Variants in ERBB3 observed in about 807,000 individuals in gnomAD.
ERBB3 encodes the protein erb-b2 receptor tyrosine kinase 3, also known as receptor tyrosine-protein kinase erbB-3.
Under a neutral mutation model 156.7 loss-of-function variants are expected in ERBB3, and 96 were observed. That is an observed-to-expected ratio of 0.61 (90% CI 0.52 to 0.73). ERBB3 has a LOEUF of 0.73. Ranked by LOEUF, ERBB3 falls within the 30% of genes least tolerant of loss-of-function variation. The pLI is 0.00. For synonymous variants in ERBB3, 567 were observed against 632.0 expected, an observed-to-expected ratio of 0.90 and a Z score of 1.54; for missense variants, 1,406 against 1,709.4, an observed-to-expected ratio of 0.82 and a Z score of 3.13.
Position 56,099,978 on chromosome 12 carries a change from A to G in ERBB3, c.3078A>G (p.Thr1026=). 6.2e-7 allele frequency: 1 copy of G among 1,614,222 alleles called. No individual in the cohort carries two copies. The highest frequency in any genetic ancestry group is 2.2e-5 in the East Asian group (1 of 44,890). The change falls in exon 25 of 28, where the codon ACA becomes ACG. Residue 1026 remains threonine (T), a synonymous_variant. Transcript: ENST00000267101. ...AGGAGGACAACCTGGCAACCACCAC[A>G]CTGGGCTCCGCCCTCAGCCTACCAG... ...EAEEDNLATT[T]LGSALSLPVG...
chr12:56,102,339 G>A lies in ERBB3; in HGVS notation c.*284G>A. On this transcript the variant is annotated 3_prime_UTR_variant, in exon 28 of 28. Transcript: ENST00000267101. ...CAGCTTCTTCACAGGCACTCCTGGAGATATGAAGGATTACTCTCCATATCC... is the reference window on the plus strand; with the variant it reads ...CAGCTTCTTCACAGGCACTCCTGGAAATATGAAGGATTACTCTCCATATCC... 2.2e-6 allele frequency: 1 copy of A among 463,528 alleles called. No individual in the cohort carries two copies. The highest frequency in any genetic ancestry group is 2.4e-5 in the South Asian group (1 of 42,320). The allele number at this position is 463,528 out of a possible 1,614,324, so 28.7% of individuals were successfully genotyped here. A position where few individuals can be genotyped will look rare whatever the true frequency, so the allele number is the denominator to read the frequency against.
rs2136794092 is a variant in ERBB3 at position 56,087,857 on chromosome 12, T to G, written c.676T>G (p.Cys226Gly). The G allele has an allele frequency of 1.2e-6, 2 of 1,614,176 alleles. No individual in the cohort carries two copies. The highest frequency in any genetic ancestry group is 1.7e-6 in the Non-Finnish European group (2 of 1,180,016). ...CTGCTTTGGGCCCAACCCCAACCAGTGCTGCCATGATGAGTGTGCCGGGGG... is the reference window on the plus strand; with the variant it reads ...CTGCTTTGGGCCCAACCCCAACCAGGGCTGCCATGATGAGTGTGCCGGGGG... Reference protein sequence around the residue: ...GHCFGPNPNQCCHDECAGGCS... With the variant: ...GHCFGPNPNQGCHDECAGGCS... The change falls in exon 6 of 28, where the codon TGC becomes GGC. Residue 226 changes from cysteine (C) to glycine (G), a missense_variant. This residue lies in a region of ERBB3 where 979 missense variants were observed against 1,219.6 expected (regional missense o/e 0.80). Transcript: ENST00000267101.
rs1379980189 is a variant in ERBB3, at chr12:56,088,761, A to G, written c.1002A>G (p.Thr334=). 6.2e-7 allele frequency: 1 copy of G among 1,614,162 alleles called. No homozygotes were observed. Among genetic ancestry groups the G allele is most frequent in the Non-Finnish European group, 8.5e-7 (1 of 1,180,018 alleles). Reference sequence around the variant, plus strand: ...TTACATTTGCAGCCTGTGAGGGAACAGGCTCTGGGAGCCGCTTCCAGACTG... The same window carrying G: ...TTACATTTGCAGCCTGTGAGGGAACGGGCTCTGGGAGCCGCTTCCAGACTG... ...GGLCPKACEG[T]GSGSRFQTVD... is the part of the protein sequence containing the mutation. Residue 334 remains threonine, a synonymous_variant, in exon 9 of 28, where the codon ACA becomes ACG. Transcript: ENST00000267101.
intron 5 of ERBB3, 24 bp from the exon 6 acceptor site, chr12:56,087,769 CAG>C: frequency 6.2e-7 from 1 of 1,603,722 alleles, no homozygotes; most frequent in Non-Finnish European, 8.5e-7. Flanking sequence ...GGAGCCCTAA[CAG>C]CCATGCTTTC....
chr12:56,092,904 G>A lies in ERBB3; in HGVS notation c.1184-82G>A, dbSNP rs535762069. ...CGGTATAACTACTTGAGAAAATCAC[G>A]TCCCAAGTTATAGGGGAGGAGCCAG... On this transcript the variant is annotated intron_variant, in intron 10 of 27. Transcript: ENST00000267101. 3.0e-5 allele frequency: 46 copies of A among 1,539,234 alleles called. No homozygotes were observed. In the East Asian group the frequency reaches 4.0e-4, roughly 14 times the overall value.
chr12:56,097,129 A>G lies in ERBB3; in HGVS notation c.2359A>G (p.Thr787Ala). The part of the protein sequence containing the change: ...LCPGSSLQLV[T>A]QYLPLGSLLD... ...CCCAGGGTCATCTCTGCAGCTTGTCACTCAATATTTGCCTCTGGGTTCTCT... is the reference window on the plus strand; with the variant it reads ...CCCAGGGTCATCTCTGCAGCTTGTCGCTCAATATTTGCCTCTGGGTTCTCT... Residue 787 changes from threonine to alanine, a missense_variant, in exon 20 of 28, where the codon ACT (threonine) becomes GCT (alanine). Physicochemically the swap from Thr to Ala is moderately conservative, Grantham distance 58. This residue lies in a region of ERBB3 where 979 missense variants were observed against 1,219.6 expected (regional missense o/e 0.80). Coordinates refer to ENST00000267101, the MANE Select transcript of ERBB3 (RefSeq NM_001982.4). 1 of 1,614,040 alleles carries G rather than the reference A, an allele frequency of 6.2e-7. No individual in the cohort carries two copies. The highest frequency in any genetic ancestry group is 8.5e-7 in the Non-Finnish European group (1 of 1,180,002).
chr12:56,080,308 C>T lies in ERBB3; in HGVS notation c.8C>T (p.Ala3Val). 8 of 1,569,386 alleles carry T rather than the reference C, an allele frequency of 5.1e-6. No individual in the cohort carries two copies. Among genetic ancestry groups the T allele is most frequent in the Non-Finnish European group, 6.9e-6 (8 of 1,155,938 alleles). MR[A>V]NDALQVLGLL... ...TTCACCCTCTGCGGAGTCATGAGGG[C>T]GAACGACGCTCTGCAGGTGCTGGGC... The change falls in exon 1 of 28, where the codon GCG (alanine) becomes GTG (valine). Residue 3 changes from alanine (A) to valine (V), a missense_variant. Ala to Val is a moderately conservative substitution (Grantham distance 64, BLOSUM62 0). Coordinates refer to ENST00000267101, the MANE Select transcript of ERBB3 (RefSeq NM_001982.4).
rs1868913125 is a variant in ERBB3, at chr12:56,097,075, G to A, written c.2305G>A (p.Ala769Thr). 1 of 1,613,976 alleles carries A rather than the reference G, an allele frequency of 6.2e-7. No homozygotes were observed. Among genetic ancestry groups the A allele is most frequent in the African/African-American group, 1.3e-5 (1 of 74,880 alleles). ...HMLAIGSLDH[A>T]HIVRLLGLCP... is the part of the protein sequence containing the mutation. ...GCTGGCCATTGGCAGCCTGGACCAT[G>A]CCCACATTGTAAGGCTGCTGGGACT... Residue 769 changes from alanine (A) to threonine (T), a missense_variant, in exon 20 of 28, where the codon GCC becomes ACC. By Grantham distance (58) the Ala-to-Thr change is moderately conservative. Around this residue, in one of 3 missense-constraint regions of ERBB3, gnomAD observed 979 missense variants for 1,219.6 expected, o/e 0.80. Coordinates refer to ENST00000267101, the MANE Select transcript of ERBB3 (RefSeq NM_001982.4).
chr12:56,095,173 G>A, intron 15 of ERBB3, 84 bp from the exon 16 acceptor site: 3 of 1,108,272 alleles, frequency 2.7e-6, no homozygotes, highest in Middle Eastern at 2.0e-4. Context: ...GGTAAGTTCT[G>A]AAACAAGCTT....
rs769251414 is a variant in ERBB3, at chr12:56,101,660, C to T, written c.3634C>T (p.Pro1212Ser). 2.3e-5 allele frequency: 37 copies of T among 1,613,920 alleles called. No individual in the cohort carries two copies. The East Asian group carries it at 7.6e-4, about 33-fold the overall frequency. The stretch of plus-strand genomic sequence containing the variant: ...GAGAAGGCACAGTCCACCTCATCCC[C>T]CTAGGCCAAGTTCCCTTGAGGAGCT... ...RRRRHSPPHP[P>S]RPSSLEELGY... The change falls in exon 28 of 28, where the codon CCT becomes TCT. Residue 1212 changes from proline to serine, a missense_variant. By Grantham distance (74) the Pro-to-Ser change is moderately conservative. Coordinates refer to ENST00000267101, the MANE Select transcript of ERBB3 (RefSeq NM_001982.4).
intron 6 of ERBB3, 25 bp from the exon 7 acceptor site, chr12:56,087,996 T>C (rs1485223280): frequency 3.1e-6 from 5 of 1,614,154 alleles, no homozygotes; most frequent in South Asian, 1.1e-5. Flanking sequence ...GTAACATAAA[T>C]CTGATGAGCC....
rs552030360 is a variant in ERBB3, at chr12:56,083,851, G to A, written c.183G>A (p.Gly61=). The change falls in exon 2 of 28, where the codon GGG becomes GGA. Residue 61 remains glycine (G), a synonymous_variant. Coordinates refer to ENST00000267101, the MANE Select transcript of ERBB3 (RefSeq NM_001982.4). ...KLYERCEVVM[G]NLEIVLTGHN... ...ACGAGAGGTGTGAGGTGGTGATGGG[G>A]AACCTTGAGATTGTGCTCACGGGAC... The A allele has an allele frequency of 1.2e-6, 2 of 1,614,092 alleles. No homozygotes were observed. The highest frequency in any genetic ancestry group is 1.7e-5 in the Admixed American group (1 of 60,000).
chr12:56,091,274 A>ATATAT (rs752378769), intron 9 of ERBB3, among the ~76,000 whole-genome samples: 1 of 55,086 alleles, frequency 1.8e-5, no homozygotes, highest in Admixed American at 2.5e-4. Flanking sequence ...TTTTATATAT[A>ATATAT]TATATATATA....
In ERBB3 at chr12:56,097,969, G is replaced by C. The variant is rs75518415; in HGVS notation, c.2616+29G>C. The stretch of plus-strand genomic sequence containing the variant: ...AGGAGACACAAAGGGTAAGGAGGCG[G>C]GGGTGGAGTGAAGCATGGGGATAGG... On this transcript the variant is annotated intron_variant, in intron 21 of 27. Coordinates refer to ENST00000267101, the MANE Select transcript of ERBB3 (RefSeq NM_001982.4). The C allele has an allele frequency of 2.5e-6, 4 of 1,610,626 alleles. No individual in the cohort carries two copies. In the East Asian group the frequency reaches 8.9e-5, roughly 36 times the overall value.
At chr12:56,088,943 T>C (rs753778551) in intron 9 of ERBB3, 75 bp downstream of exon 9, 4 of 1,585,444 alleles carry the variant, frequency 2.5e-6, no homozygotes, top group Non-Finnish European at 3.5e-6. Flanking sequence ...GCCAAAACTT[T>C]CCTATGTGGA....
intron 2 of ERBB3, 92 bp from the exon 3 acceptor site, chr12:56,084,903 G>A: frequency 3.1e-6 from 5 of 1,593,084 alleles, no homozygotes; most frequent in South Asian, 1.1e-5. Context: ...AATTAAAACA[G>A]TTAAAGAGTC....
At position 56,094,415 on chromosome 12, in the gene ERBB3, G is replaced by C. The variant is rs758858051; in HGVS notation, c.1718G>C (p.Cys573Ser). ...TCTTCCACTCAGGGCTCTGATACTT[G>C]TGCTCAATGTGCCCATTTTCGAGAT... The part of the protein sequence containing the change: ...ATCNGSGSDT[C>S]AQCAHFRDGP... The change falls in exon 15 of 28, where the codon TGT (cysteine) becomes TCT (serine). Residue 573 changes from cysteine (C) to serine (S), a missense_variant. Physicochemically the swap from Cys to Ser is moderately radical, Grantham distance 112. Coordinates refer to ENST00000267101, the MANE Select transcript of ERBB3 (RefSeq NM_001982.4). 3 of 1,614,118 alleles carry C rather than the reference G, an allele frequency of 1.9e-6. No homozygotes were observed. The highest frequency in any genetic ancestry group is 2.5e-6 in the Non-Finnish European group (3 of 1,180,026).
rs2136794406 is a variant in ERBB3, at chr12:56,087,905, G to C, written c.724G>C (p.Asp242His). 6.2e-7 allele frequency: 1 copy of C among 1,614,116 alleles called. No individual in the cohort carries two copies. Among genetic ancestry groups the C allele is most frequent in the Non-Finnish European group, 8.5e-7 (1 of 1,179,944 alleles). Residue 242 changes from aspartate to histidine, a missense_variant, in exon 6 of 28, where the codon GAC (aspartate) becomes CAC (histidine). Physicochemically the swap from Asp to His is moderately conservative, Grantham distance 81. This residue lies in a region of ERBB3 where 979 missense variants were observed against 1,219.6 expected (regional missense o/e 0.80). Coordinates refer to ENST00000267101, the MANE Select transcript of ERBB3 (RefSeq NM_001982.4). ...GGGCTGCTCAGGCCCTCAGGACACAGACTGCTTTGTATGTACCCTTTCCAT... is the reference window on the plus strand; with the variant it reads ...GGGCTGCTCAGGCCCTCAGGACACACACTGCTTTGTATGTACCCTTTCCAT... ...AGGCSGPQDT[D>H]CFACRHFNDS...
At chr12:56,088,294 A>C in intron 7 of ERBB3, 132 bp downstream of exon 7, 1 of 1,037,980 alleles carries the variant, frequency 9.6e-7, no homozygotes, top group Non-Finnish European at 1.5e-6. Context: ...TCATCTAACC[A>C]CTCCAGTGAG....
Sources: allele counts gnomAD v4.1 joint callset (sites outside exome capture counted in the v4.1 genomes callset), GRCh38; gene constraint gnomAD v4.1.1; regional missense constraint gnomAD v4.1.1; transcripts MANE v1.5; gene names NCBI Gene and HGNC (gene_info 2026-07-23, HGNC 2026-07-21).